The following RGL2 variants were observed in gnomAD, a reference collection of about 807,000 sequenced individuals.
The protein encoded by RGL2 is ral guanine nucleotide dissociation stimulator like 2, also known as ral guanine nucleotide dissociation stimulator-like 2.
In RGL2, 40 loss-of-function variants were observed where a neutral mutation model predicts 84.6. The ratio of observed to expected loss-of-function variants is 0.47; its 90% CI spans 0.37 to 0.62. The LOEUF (loss-of-function observed/expected upper bound fraction) is 0.62, where lower values mean the gene tolerates loss of function less well. Ranked by LOEUF, RGL2 falls within the 20% of genes least tolerant of loss-of-function variation. The pLI is 0.00. For synonymous variants in RGL2, 369 were observed against 417.3 expected (o/e 0.88, Z 1.41); for missense variants, 865 against 1,019.7 (o/e 0.85, Z 2.07).
At chr6:33,292,864 A>G in intron 16 of RGL2, 152 bp downstream of exon 16, 1 of 966,566 alleles carries the variant, frequency 1.0e-6, no homozygotes, top group Non-Finnish European at 1.6e-6. Flanking sequence ...TAGAGTTTAG[A>G]AGATAAAATT....
chr6:33,296,937 G>C lies in RGL2; in HGVS notation c.240+95C>G. On this transcript the variant is annotated intron_variant, in intron 3 of 17. Coordinates refer to ENST00000497454, the MANE Select transcript of RGL2 (RefSeq NM_004761.5). This position sits in a 1 kb window ranked among gnomAD's most constrained non-coding sequence, Gnocchi z 5.0. ...TCACACAGCAGAGTCCAGGACTCCA[G>C]AACTCCAACCTAGCACTCTGGCCAG... 1.3e-6 allele frequency: 2 copies of C among 1,507,470 alleles called. No homozygotes were observed. Among genetic ancestry groups the C allele is most frequent in the African/African-American group, 1.4e-5 (1 of 72,766 alleles). 93.4% of individuals were successfully genotyped at this position (1,507,470 alleles called of 1,614,324 possible). A position where few individuals can be genotyped will look rare whatever the true frequency, so the allele number is the denominator to read the frequency against.
At position 33,298,792 on chromosome 6, in the gene RGL2, G is replaced by A. The variant is rs1768279456; in HGVS notation, c.-42+78C>T. ...TGGGGGAGGGGGCAACAGAAGGGTG[G>A]AATAGGGGGGCCCTTGGTGCTGTTG... On this transcript the variant is annotated intron_variant, in intron 1 of 17. Coordinates refer to ENST00000497454, the MANE Select transcript of RGL2 (RefSeq NM_004761.5). The surrounding 1 kb of genome is among the most constrained non-coding windows in gnomAD (Gnocchi z 4.8). The A allele has an allele frequency of 2.3e-6, 1 of 443,628 alleles. No homozygotes were observed. Among genetic ancestry groups the A allele is most frequent in the South Asian group, 3.3e-5 (1 of 30,106 alleles). The allele number at this position is 443,628 out of a possible 1,614,324, so 27.5% of individuals were successfully genotyped here.
In RGL2 at chr6:33,296,247, G is replaced by C; in HGVS notation, c.549C>G (p.Asp183Glu). The part of the protein sequence containing the change: ...DFGSEAKGQL[D>E]RLESFLLQTG... The stretch of plus-strand genomic sequence containing the variant: ...TCTGAAGTAAGAAGCTCTCAAGCCG[G>C]TCAAGCTGACCCTTGGCCTCAGAGC... The change falls in exon 6 of 18, where the codon GAC becomes GAG. Residue 183 changes from aspartate (D) to glutamate (E), a missense_variant. Asp to Glu is a conservative substitution (Grantham distance 45). This residue lies in a region of RGL2 where 455 missense variants were observed against 507.8 expected (regional missense o/e 0.90). Transcript: ENST00000497454. This position sits in a 1 kb window ranked among gnomAD's most constrained non-coding sequence, Gnocchi z 5.0. 1 of 1,614,040 alleles carries C rather than the reference G, an allele frequency of 6.2e-7. No homozygotes were observed. The highest frequency in any genetic ancestry group is 1.1e-5 in the South Asian group (1 of 91,090).
Position 33,296,916 on chromosome 6 carries a change from A to G in RGL2, c.240+116T>C. 1 of 1,479,742 alleles carries G rather than the reference A, an allele frequency of 6.8e-7. No homozygotes were observed. The highest frequency in any genetic ancestry group is 9.4e-7 in the Non-Finnish European group (1 of 1,058,772). 91.7% of individuals were successfully genotyped at this position (1,479,742 alleles called of 1,614,324 possible). ...GGGCAAGAGTCTTGGCCTATGTCAC[A>G]CAGCAGAGTCCAGGACTCCAGAACT... On this transcript the variant is annotated intron_variant, in intron 3 of 17. Transcript: ENST00000497454. This position sits in a 1 kb window ranked among gnomAD's most constrained non-coding sequence, Gnocchi z 5.0.
At position 33,296,357 on chromosome 6, in the gene RGL2, G is replaced by A. The variant is rs774237870; in HGVS notation, c.471-32C>T. ...GAAGGGAATCAGCCAAGGGTGAGAG[G>A]TAAAGCTGCAGCCTGGGCAGAGGGG... On this transcript the variant is annotated intron_variant, in intron 5 of 17. Coordinates refer to ENST00000497454, the MANE Select transcript of RGL2 (RefSeq NM_004761.5). This position sits in a 1 kb window ranked among gnomAD's most constrained non-coding sequence, Gnocchi z 5.0. The A allele has an allele frequency of 3.6e-5, 58 of 1,605,860 alleles. No homozygotes were observed. Among genetic ancestry groups the A allele is most frequent in the Non-Finnish European group, 4.8e-5 (56 of 1,175,278 alleles).
chr6:33,296,586 T>G lies in RGL2; in HGVS notation c.419+12A>C. The G allele has an allele frequency of 6.2e-7, 1 of 1,610,358 alleles. No homozygotes were observed. The highest frequency in any genetic ancestry group is 8.5e-7 in the Non-Finnish European group (1 of 1,178,098). ...AGATACTCCACTACCCTGCGTCCCTTATGACTCTGACCTGTCAGCCATAAG... is the reference window on the plus strand; with the variant it reads ...AGATACTCCACTACCCTGCGTCCCTGATGACTCTGACCTGTCAGCCATAAG... On this transcript the variant is annotated intron_variant, in intron 4 of 17. Transcript: ENST00000497454. This position sits in a 1 kb window ranked among gnomAD's most constrained non-coding sequence, Gnocchi z 5.0.
At chr6:33,301,461 C>T, upstream of RGL2, 1 of 400,754 alleles carries the variant, frequency 2.5e-6, no homozygotes. Context: ...GTAATCCCAG[C>T]TACTCCGGAG....
At position 33,298,724 on chromosome 6, in the gene RGL2, G is replaced by T; in HGVS notation, c.-41-73C>A. Reference sequence around the variant, plus strand: ...GGGGAACCGGGCAGGGAAGGGACGTGGGTGGGTGTCAAGAAGACCGGAAGG... The same window carrying T: ...GGGGAACCGGGCAGGGAAGGGACGTTGGTGGGTGTCAAGAAGACCGGAAGG... On this transcript the variant is annotated intron_variant, in intron 1 of 17. Coordinates refer to ENST00000497454, the MANE Select transcript of RGL2 (RefSeq NM_004761.5). The surrounding 1 kb of genome is among the most constrained non-coding windows in gnomAD (Gnocchi z 4.8). 1 of 654,626 alleles carries T rather than the reference G, an allele frequency of 1.5e-6. No homozygotes were observed. The allele number at this position is 654,626 out of a possible 1,614,324, so 40.6% of individuals were successfully genotyped here. A position where few individuals can be genotyped will look rare whatever the true frequency, so the allele number is the denominator to read the frequency against.
Position 33,298,681 on chromosome 6 carries a change from G to C in RGL2, c.-41-30C>G. 1 of 1,001,386 alleles carries C rather than the reference G, an allele frequency of 1.0e-6. No individual in the cohort carries two copies. Among genetic ancestry groups the C allele is most frequent in the Non-Finnish European group, 1.4e-6 (1 of 717,178 alleles). 62.0% of individuals were successfully genotyped at this position (1,001,386 alleles called of 1,614,324 possible). A position where few individuals can be genotyped will look rare whatever the true frequency, so the allele number is the denominator to read the frequency against. ...GGAGAGACGGGGTGGGGTGGGGGTG[G>C]AGAGTCAGGCAGGCGCGGGGGAACC... On this transcript the variant is annotated intron_variant, in intron 1 of 17. Coordinates refer to ENST00000497454, the MANE Select transcript of RGL2 (RefSeq NM_004761.5). The surrounding 1 kb of genome is among the most constrained non-coding windows in gnomAD (Gnocchi z 4.8).
At position 33,292,515 on chromosome 6, in the gene RGL2, G is replaced by A. The variant is rs1297295967; in HGVS notation, c.2037C>T (p.Val679=). Residue 679 remains valine, a synonymous_variant, in exon 17 of 18, where the codon GTC becomes GTT. Transcript: ENST00000497454. ...LVTSQDKAPS[V]ISRVLKKNNR... is the part of the protein sequence containing the mutation. ...TGTTTTTCTTAAGGACACGACTGAT[G>A]ACACTTGGAGCCTTGTCCTGGCTTG... 8.1e-6 allele frequency: 13 copies of A among 1,614,126 alleles called. No individual in the cohort carries two copies. The highest frequency in any genetic ancestry group is 1.1e-5 in the Non-Finnish European group (13 of 1,179,988).
chr6:33,292,608 G>T, intron 16 of RGL2, 64 bp from the exon 17 acceptor site: 2 of 1,340,998 alleles, frequency 1.5e-6, no homozygotes, highest in Non-Finnish European at 2.1e-6. Flanking sequence ...TCTACCCTCA[G>T]CCACTGAACC....
At position 33,298,769 on chromosome 6, in the gene RGL2, G is replaced by T; in HGVS notation, c.-42+101C>A. Reference sequence around the variant, plus strand: ...GGAAGGGAGTTCTGCAGGAAGGTTGGGGGAGGGGGCAACAGAAGGGTGGAA... The same window carrying T: ...GGAAGGGAGTTCTGCAGGAAGGTTGTGGGAGGGGGCAACAGAAGGGTGGAA... On this transcript the variant is annotated intron_variant, in intron 1 of 17. Transcript: ENST00000497454. This position sits in a 1 kb window ranked among gnomAD's most constrained non-coding sequence, Gnocchi z 4.8. 1 of 511,798 alleles carries T rather than the reference G, an allele frequency of 2.0e-6. No individual in the cohort carries two copies. 31.7% of individuals were successfully genotyped at this position (511,798 alleles called of 1,614,324 possible). A position where few individuals can be genotyped will look rare whatever the true frequency, so the allele number is the denominator to read the frequency against.
rs778849641 is a variant in RGL2 at position 33,296,051 on chromosome 6, C to T, written c.745G>A (p.Glu249Lys). The T allele has an allele frequency of 5.0e-6, 8 of 1,613,688 alleles. No individual in the cohort carries two copies. The highest frequency in any genetic ancestry group is 4.4e-5 in the South Asian group (4 of 91,070). The change falls in exon 6 of 18, where the codon GAA becomes AAA. Residue 249 changes from glutamate to lysine, a missense_variant. Glu to Lys is a moderately conservative substitution (Grantham distance 56, BLOSUM62 1). Coordinates refer to ENST00000497454, the MANE Select transcript of RGL2 (RefSeq NM_004761.5). The surrounding 1 kb of genome is among the most constrained non-coding windows in gnomAD (Gnocchi z 5.0). ...ACCGCATCTAGCAGGGTCAGCTGTTCGGCCAAGTGGTCAGCGAGGAACACC... is the reference window on the plus strand; with the variant it reads ...ACCGCATCTAGCAGGGTCAGCTGTTTGGCCAAGTGGTCAGCGAGGAACACC... The part of the protein sequence containing the change: ...VLVFLADHLA[E>K]QLTLLDAELF...
intron 16 of RGL2, 144 bp downstream of exon 16, chr6:33,292,872 A>C (rs1767550640): frequency 1.9e-6 from 2 of 1,047,772 alleles, no homozygotes; most frequent in African/African-American, 3.2e-5. Context: ...AGAAGATAAA[A>C]TTAAAAATAA....
chr6:33,301,244 A>G (rs1768554928), upstream of RGL2: 1 of 154,190 alleles, frequency 6.5e-6, no homozygotes, highest in African/African-American at 2.4e-5. Flanking sequence ...TAGAGCTCCA[A>G]GAAGGTGAAT....
chr6:33,294,598 T>C lies in RGL2; in HGVS notation c.1353+90A>G. On this transcript the variant is annotated intron_variant, in intron 11 of 17. Coordinates refer to ENST00000497454, the MANE Select transcript of RGL2 (RefSeq NM_004761.5). This position sits in a 1 kb window ranked among gnomAD's most constrained non-coding sequence, Gnocchi z 5.0. ...TGTCCCACACTCAGCTATTTGTGCC[T>C]TACAGCCCCTTGCAAGGGGCGGGGG... is the stretch of plus-strand genomic sequence containing the variant. 7.1e-7 allele frequency: 1 copy of C among 1,410,984 alleles called. No homozygotes were observed. Among genetic ancestry groups the C allele is most frequent in the Non-Finnish European group, 9.9e-7 (1 of 1,011,192 alleles). 87.4% of individuals were successfully genotyped at this position (1,410,984 alleles called of 1,614,324 possible).
At position 33,297,068 on chromosome 6, in the gene RGL2, G is replaced by T; in HGVS notation, c.204C>A (p.Thr68=). The change falls in exon 3 of 18, where the codon ACC becomes ACA. Residue 68 remains threonine (T), a synonymous_variant. Transcript: ENST00000497454. This position sits in a 1 kb window ranked among gnomAD's most constrained non-coding sequence, Gnocchi z 4.0. The stretch of plus-strand genomic sequence containing the variant: ...GAGGTCGATATTGGCGGCTTGTGAC[G>T]GTAAACACGGCACCATCCTCCTCCT... The part of the protein sequence containing the change: ...WDEEEDGAVF[T]VTSRQYRPLD... 6.4e-7 allele frequency: 1 copy of T among 1,574,624 alleles called. No homozygotes were observed. Among genetic ancestry groups the T allele is most frequent in the Non-Finnish European group, 8.6e-7 (1 of 1,162,822 alleles).
rs1767575425 is a variant in RGL2, at chr6:33,293,043, T to C, written c.1980A>G (p.Glu660=). ...RIIRVQMELG[E]DGSVYKSILV... is the part of the protein sequence containing the mutation. ...AAATGCTCTTATAGACACTGCCATC[T>C]TCCCCCAACTCCATCTGGACTCGGA... The change falls in exon 16 of 18, where the codon GAA becomes GAG. Residue 660 remains glutamate, a synonymous_variant. Coordinates refer to ENST00000497454, the MANE Select transcript of RGL2 (RefSeq NM_004761.5). This position sits in a 1 kb window ranked among gnomAD's most constrained non-coding sequence, Gnocchi z 7.0. The C allele has an allele frequency of 6.2e-7, 1 of 1,614,156 alleles. No homozygotes were observed. Among genetic ancestry groups the C allele is most frequent in the Non-Finnish European group, 8.5e-7 (1 of 1,180,042 alleles).
chr6:33,296,404 G>C lies in RGL2; in HGVS notation c.470+10C>G. 1.9e-6 allele frequency: 3 copies of C among 1,610,220 alleles called. No individual in the cohort carries two copies. The highest frequency in any genetic ancestry group is 2.5e-6 in the Non-Finnish European group (3 of 1,177,936). On this transcript the variant is annotated intron_variant, in intron 5 of 17. Transcript: ENST00000497454. This position sits in a 1 kb window ranked among gnomAD's most constrained non-coding sequence, Gnocchi z 5.0. ...GGGGACTGTGAGATTAAGAACCAGG[G>C]GTCACTCACTCTGTTGTCCTCTCTA...
Sources: gnomAD v4.1 joint callset for allele counts on GRCh38, gnomAD v4.1.1 for gene constraint, gnomAD v4.1.1 regional missense constraint, Gnocchi (gnomAD v3.1) non-coding constraint, MANE v1.5 for transcripts, NCBI Gene and HGNC (gene_info 2026-07-23, HGNC 2026-07-21) for gene names.